The following COTL1 variants were observed in gnomAD, a reference collection of about 807,000 sequenced individuals.
COTL1 encodes the protein coactosin like F-actin binding protein 1.
Under a neutral mutation model 16.5 loss-of-function variants are expected in COTL1, and 15 were observed. The ratio of observed to expected loss-of-function variants is 0.91; its 90% CI spans 0.61 to 1.40. The LOEUF (loss-of-function observed/expected upper bound fraction) is 1.40, where lower values mean the gene tolerates loss of function less well. Among genes scored for constraint, COTL1 ranks in the 40% most tolerant of loss-of-function variants. The pLI is 0.00. For missense variants in COTL1, 220 were observed against 201.5 expected, an observed-to-expected ratio of 1.09 and a Z score of -0.56; for synonymous variants, 112 against 85.3, an observed-to-expected ratio of 1.31 and a Z score of -1.73.
chr16:84,598,860 G>C (rs969641798), intron 2 of COTL1, among the ~76,000 whole-genome samples: 1 of 151,320 alleles, frequency 6.6e-6, no homozygotes, highest in Admixed American at 6.6e-5. Context: ...AAGCGGGGTC[G>C]GGGGTGATCA....
At chr16:84,582,922 T>C (rs1405736242) in intron 3 of COTL1, among the ~76,000 whole-genome samples, 1 of 152,212 alleles carries the variant, frequency 6.6e-6, no homozygotes, top group Non-Finnish European at 1.5e-5. Flanking sequence ...AGCAGCACTT[T>C]TTTAAAGTAA....
intron 2 of COTL1, among the ~76,000 whole-genome samples, chr16:84,592,105 T>C (rs1445487998): frequency 6.6e-6 from 1 of 152,220 alleles, no homozygotes; most frequent in Admixed American, 6.5e-5. Flanking sequence ...CTCCATACAT[T>C]GCAGATGTCC....
At chr16:84,581,124 A>G (rs1904579338) in intron 3 of COTL1, among the ~76,000 whole-genome samples, 1 of 151,032 alleles carries the variant, frequency 6.6e-6, no homozygotes, top group Admixed American at 6.6e-5. Context: ...CCTAGGCAAC[A>G]GAGTGAGATT....
chr16:84,602,642 C>G (rs4783032), intron 2 of COTL1, among the ~76,000 whole-genome samples: 18,778 of 152,062 alleles, frequency 0.12, 1,433 homozygotes, highest in East Asian at 0.37. Flanking sequence ...ATCACTTGAG[C>G]TCAGGAATTC....
In COTL1 at chr16:84,566,753, G is replaced by C. The variant is rs1904300226; in HGVS notation, c.*92C>G. On this transcript the variant is annotated 3_prime_UTR_variant, in exon 4 of 4. Transcript: ENST00000262428. ...TCTCATGGCTTCTTTTCTCCCTGGT[G>C]GGCTGGTGGGCTAGTAGCTGAGGCC... is the stretch of plus-strand genomic sequence containing the variant. 12 of 807,958 alleles carry C rather than the reference G, an allele frequency of 1.5e-5. No individual in the cohort carries two copies. In the South Asian group the frequency reaches 1.5e-4, roughly 10 times the overall value. The allele number at this position is 807,958 out of a possible 1,614,324, so 50.0% of individuals were successfully genotyped here. A position where few individuals can be genotyped will look rare whatever the true frequency, so the allele number is the denominator to read the frequency against.
chr16:84,587,152 G>A (rs1397367664), intron 3 of COTL1, among the ~76,000 whole-genome samples: 4 of 152,168 alleles, frequency 2.6e-5, no homozygotes, highest in African/African-American at 9.7e-5. Flanking sequence ...AACTGGCCTG[G>A]AGAAAAACAG....
rs1015987001 is a variant in COTL1, at chr16:84,581,924, T to C, written c.318+8181A>G. Among the ~76,000 whole-genome samples, 4 of 151,974 alleles carry C rather than the reference T, an allele frequency of 2.6e-5. No individual in the cohort carries two copies. In the South Asian group the frequency reaches 8.3e-4, roughly 32 times the overall value. ...GCAGAGAACAGTTACTGAGCATTTATAAGCTTCTGTCCTGGTAATACACAA... is the reference window on the plus strand; with the variant it reads ...GCAGAGAACAGTTACTGAGCATTTACAAGCTTCTGTCCTGGTAATACACAA... On this transcript the variant is annotated intron_variant, in intron 3 of 3. Transcript: ENST00000262428.
At chr16:84,574,433 C>A (rs142607122) in intron 3 of COTL1, among the ~76,000 whole-genome samples, 6 of 152,100 alleles carry the variant, frequency 3.9e-5, no homozygotes, top group Non-Finnish European at 7.4e-5. Context: ...AACTCGGTGT[C>A]GCTCTCTCAT....
chr16:84,570,802 G>A (rs919329366), intron 3 of COTL1, among the ~76,000 whole-genome samples: 9 of 152,136 alleles, frequency 5.9e-5, no homozygotes, highest in Non-Finnish European at 8.8e-5. Context: ...CCAGCAATCC[G>A]ATTACTGCCA....
rs905508671 is a variant in COTL1, at chr16:84,590,043, C to A, written c.318+62G>T. On this transcript the variant is annotated intron_variant, in intron 3 of 3. Transcript: ENST00000262428. This position sits in a 1 kb window ranked among gnomAD's most constrained non-coding sequence, Gnocchi z 5.5. ...CCAGGAGTCGAACCCAGCCCTCTCC[C>A]TCCTTGCAGGATGGTGACCCTTGGC... is the stretch of plus-strand genomic sequence containing the variant. 8 of 1,543,530 alleles carry A rather than the reference C, an allele frequency of 5.2e-6. No homozygotes were observed. Among genetic ancestry groups the A allele is most frequent in the Non-Finnish European group, 7.1e-6 (8 of 1,132,786 alleles).
chr16:84,585,029 C>A (rs1468487976), intron 3 of COTL1, among the ~76,000 whole-genome samples: 1 of 152,182 alleles, frequency 6.6e-6, no homozygotes, highest in African/African-American at 2.4e-5. Flanking sequence ...AAACAAATTA[C>A]TCCATTAAAA....
At chr16:84,572,814 G>A (rs1904361722) in intron 3 of COTL1, among the ~76,000 whole-genome samples, 1 of 152,096 alleles carries the variant, frequency 6.6e-6, no homozygotes, top group African/African-American at 2.4e-5. Flanking sequence ...GGGCACTGGT[G>A]CAATCTCAGC....
Position 84,565,794 on chromosome 16 carries a change from T to C in COTL1, c.*1051A>G, listed in dbSNP as rs1393173499. 1.3e-5 allele frequency: 2 copies of C among 152,430 alleles called. No homozygotes were observed. The highest frequency in any genetic ancestry group is 3.4e-3 in the Middle Eastern group (1 of 294). The allele number at this position is 152,430 out of a possible 1,614,324, so 9.4% of individuals were successfully genotyped here. On this transcript the variant is annotated 3_prime_UTR_variant, in exon 4 of 4. Transcript: ENST00000262428. The stretch of plus-strand genomic sequence containing the variant: ...TTAAAAACAAAACAAAACGATCCTT[T>C]TGAATGTGTGGTGCAGACGCAGGAC...
intron 2 of COTL1, among the ~76,000 whole-genome samples, chr16:84,605,703 G>A (rs1055974199): frequency 2.6e-5 from 4 of 152,234 alleles, no homozygotes; most frequent in Admixed American, 1.3e-4. Flanking sequence ...AAGAAGGCAA[G>A]AAAATGGATT....
intron 2 of COTL1, among the ~76,000 whole-genome samples, chr16:84,612,682 C>G (rs1048848025): frequency 2.6e-5 from 4 of 152,048 alleles, no homozygotes; most frequent in African/African-American, 7.2e-5. Context: ...ACTTGGGAGG[C>G]TGAGGCAGGA....
chr16:84,570,737 G>A (rs1339171614), intron 3 of COTL1, among the ~76,000 whole-genome samples: 2 of 152,182 alleles, frequency 1.3e-5, no homozygotes, highest in South Asian at 2.1e-4. Flanking sequence ...TATTTTCCCT[G>A]TTGAAGGGCT....
rs1490275233 is a variant in COTL1, at chr16:84,617,869, G to C, written c.46C>G (p.Leu16Val). ...DKEACRAAYN[L>V]VRDDGSAVIW... is the part of the protein sequence containing the mutation. ...ACGGCCGAGCCGTCGTCGCGCACCA[G>C]GTTGTACGCCGCCCGGCAAGCCTCT... The change falls in exon 1 of 4, where the codon CTG becomes GTG. Residue 16 changes from leucine (L) to valine (V), a missense_variant. Physicochemically the swap from Leu to Val is conservative, Grantham distance 32. Coordinates refer to ENST00000262428, the MANE Select transcript of COTL1 (RefSeq NM_021149.5). 6.3e-7 allele frequency: 1 copy of C among 1,576,466 alleles called. No homozygotes were observed. Among genetic ancestry groups the C allele is most frequent in the Non-Finnish European group, 8.6e-7 (1 of 1,162,270 alleles).
At chr16:84,607,643 G>A (rs1353861129) in intron 2 of COTL1, among the ~76,000 whole-genome samples, 1 of 152,188 alleles carries the variant, frequency 6.6e-6, no homozygotes, top group Non-Finnish European at 1.5e-5. Flanking sequence ...CGGCTGGCCA[G>A]CACCTGTCAT....
In COTL1 at chr16:84,568,034, G is replaced by C. The variant is rs778507454; in HGVS notation, c.319-1079C>G. On this transcript the variant is annotated intron_variant, in intron 3 of 3. Coordinates refer to ENST00000262428, the MANE Select transcript of COTL1 (RefSeq NM_021149.5). ...TTTCTTTTTCTTGAGAGAAAAGCCTGTTGCCCAGGCTGGAGTGCAGTGGCG... is the reference window on the plus strand; with the variant it reads ...TTTCTTTTTCTTGAGAGAAAAGCCTCTTGCCCAGGCTGGAGTGCAGTGGCG... 2 of 152,122 alleles carry C rather than the reference G, an allele frequency of 1.3e-5. 1 individual carries two copies. Among genetic ancestry groups the C allele is most frequent in the Middle Eastern group, 6.3e-3 (2 of 316 alleles). The allele number at this position is 152,122 out of a possible 1,614,324, so 9.4% of individuals were successfully genotyped here. A position where few individuals can be genotyped will look rare whatever the true frequency, so the allele number is the denominator to read the frequency against.
Sources: allele counts gnomAD v4.1 joint callset (sites outside exome capture counted in the v4.1 genomes callset), GRCh38; gene constraint gnomAD v4.1.1; non-coding constraint Gnocchi (gnomAD v3.1); transcripts MANE v1.5; gene names NCBI Gene and HGNC (gene_info 2026-07-23, HGNC 2026-07-21).